HIVEP2: variants seen among roughly 807,000 people sequenced by gnomAD.
The protein encoded by HIVEP2 is HIVEP zinc finger 2.
A neutral mutation model predicts 180.7 loss-of-function variants in HIVEP2; 14 were observed. The ratio of observed to expected loss-of-function variants is 0.08; its 90% confidence interval spans 0.05 to 0.12. The LOEUF is 0.12. Ranked by LOEUF, HIVEP2 falls within the 10% of genes least tolerant of loss-of-function variation. HIVEP2 has a pLI of 1.00. For synonymous variants in HIVEP2, 1,184 were observed against 1,136.4 expected (o/e 1.04, Z -0.84); for missense variants, 2,579 against 3,008.5 (o/e 0.86, Z 3.34).
At position 142,774,324 on chromosome 6, in the gene HIVEP2, A is replaced by G. The variant is rs762631868; in HGVS notation, c.415T>C (p.Phe139Leu). The change falls in exon 5 of 10, where the codon TTT (phenylalanine) becomes CTT (leucine). Residue 139 changes from phenylalanine (F) to leucine (L), a missense_variant. Physicochemically the swap from Phe to Leu is conservative, Grantham distance 22 (BLOSUM62 0). Around this residue, in one of 11 missense-constraint regions of HIVEP2, gnomAD observed 207 missense variants for 210.1 expected, o/e 0.99. Coordinates refer to ENST00000367603, the MANE Select transcript of HIVEP2 (RefSeq NM_006734.4). The surrounding 1 kb of genome is among the most constrained non-coding windows in gnomAD (Gnocchi z 5.1). ...PLPSVASEDLFPFPIHGHSGG... is the reference protein window; with the variant it reads ...PLPSVASEDLLPFPIHGHSGG... Reference sequence around the variant, plus strand: ...CTGTGGCCATGTATAGGAAAAGGAAATAAGTCCTCAGAGGCAACGGATGGC... The same window carrying G: ...CTGTGGCCATGTATAGGAAAAGGAAGTAAGTCCTCAGAGGCAACGGATGGC... The G allele has an allele frequency of 6.2e-7, 1 of 1,614,246 alleles. No individual in the cohort carries two copies. Among genetic ancestry groups the G allele is most frequent in the Admixed American group, 1.7e-5 (1 of 60,026 alleles).
chr6:142,907,173 C>G (rs899257561), intron 1 of HIVEP2, among the ~76,000 whole-genome samples: 1 of 152,234 alleles, frequency 6.6e-6, no homozygotes, highest in Non-Finnish European at 1.5e-5. Context: ...AGTTTACTAT[C>G]TAGCATATGA....
intron 1 of HIVEP2, among the ~76,000 whole-genome samples, chr6:142,884,791 G>A (rs115448233): frequency 0.011 from 1,730 of 152,230 alleles, 35 homozygotes; most frequent in African/African-American, 0.039. Context: ...ATCCAGTTCA[G>A]GAACCTTATT....
At chr6:142,879,623 C>T (rs1776532309) in intron 1 of HIVEP2, among the ~76,000 whole-genome samples, 1 of 152,068 alleles carries the variant, frequency 6.6e-6, no homozygotes, top group Non-Finnish European at 1.5e-5. Context: ...GCTGGAGTGG[C>T]TCTTTGCTCT....
At chr6:142,925,945 C>CA (rs1252682372) in intron 1 of HIVEP2, among the ~76,000 whole-genome samples, 3 of 152,294 alleles carry the variant, frequency 2.0e-5, no homozygotes, top group Admixed American at 6.5e-5. Flanking sequence ...TCTACCATTA[C>CA]AAAGCCTATT....
At chr6:142,920,940 GCCACTGCAAT>G (rs1777669166) in intron 1 of HIVEP2, among the ~76,000 whole-genome samples, 1 of 152,112 alleles carries the variant, frequency 6.6e-6, no homozygotes, top group South Asian at 2.1e-4. Context: ...CTATTATCAT[GCCACTGCAAT>G]CCACAGTGAG....
chr6:142,883,610 C>G (rs190814195), intron 1 of HIVEP2, among the ~76,000 whole-genome samples: 1 of 152,068 alleles, frequency 6.6e-6, no homozygotes, highest in Non-Finnish European at 1.5e-5. Context: ...TCCCTTACAA[C>G]GTAGGGCAAA....
intron 1 of HIVEP2, among the ~76,000 whole-genome samples, chr6:142,858,297 C>G (rs1014972778): frequency 6.6e-6 from 1 of 152,078 alleles, no homozygotes; most frequent in Non-Finnish European, 1.5e-5. Context: ...TCACTTCACT[C>G]TGGCCCCTCT....
intron 1 of HIVEP2, among the ~76,000 whole-genome samples, chr6:142,911,793 G>GTATGTGTGCATGA (rs897072024): frequency 6.6e-6 from 1 of 152,180 alleles, no homozygotes; most frequent in Non-Finnish European, 1.5e-5. Flanking sequence ...TCTGTGATGC[G>GTATGTGTGCATGA]TATGTGTGCA....
At chr6:142,894,242 T>C (rs1398146724) in intron 1 of HIVEP2, among the ~76,000 whole-genome samples, 1 of 152,246 alleles carries the variant, frequency 6.6e-6, no homozygotes, top group Non-Finnish European at 1.5e-5. Context: ...CAATCTATAA[T>C]ATATCAAGGG....
intron 1 of HIVEP2, among the ~76,000 whole-genome samples, chr6:142,843,879 G>T (rs1775436526): frequency 6.6e-6 from 1 of 152,102 alleles, no homozygotes; most frequent in Non-Finnish European, 1.5e-5. Flanking sequence ...GTATGCCTTT[G>T]GTTAACATAT....
chr6:142,830,648 G>A (rs1187560727), intron 2 of HIVEP2, among the ~76,000 whole-genome samples: 5 of 152,048 alleles, frequency 3.3e-5, no homozygotes, highest in Admixed American at 1.3e-4. Flanking sequence ...CATGAAAAAC[G>A]AAAAGTAAAG....
In HIVEP2 at chr6:142,774,509, T is replaced by G. The variant is rs1775643278; in HGVS notation, c.230A>C (p.Gln77Pro). 5.0e-6 allele frequency: 8 copies of G among 1,614,102 alleles called. No homozygotes were observed. In the African/African-American group the frequency reaches 8.0e-5, roughly 16 times the overall value. Residue 77 changes from glutamine to proline, a missense_variant, in exon 5 of 10, where the codon CAG becomes CCG. By Grantham distance (76) the Gln-to-Pro change is moderately conservative. This residue lies in a region of HIVEP2 where 207 missense variants were observed against 210.1 expected (regional missense o/e 0.99). Coordinates refer to ENST00000367603, the MANE Select transcript of HIVEP2 (RefSeq NM_006734.4). This position sits in a 1 kb window ranked among gnomAD's most constrained non-coding sequence, Gnocchi z 5.1. ...TGGATATTGCTTCTCTGCGACTTGC[T>G]GCACCACTTCACTAGGGGAGGCCAG... ...GKLASPSEVV[Q>P]QVAEKQYPPH...
chr6:142,793,673 T>TTCTTTCTTTC (rs1289211652), intron 2 of HIVEP2, among the ~76,000 whole-genome samples: 25 of 107,502 alleles, frequency 2.3e-4, no homozygotes, highest in African/African-American at 7.7e-4. Flanking sequence ...CTTTCTTTCT[T>TTCTTTCTTTC]TCTCTCTCTC....
chr6:142,901,815 C>T (rs78012290), intron 1 of HIVEP2, among the ~76,000 whole-genome samples: 168 of 152,216 alleles, frequency 1.1e-3, no homozygotes, highest in African/African-American at 3.9e-3. Flanking sequence ...AAATGACCTT[C>T]GTCTTAACCA....
At position 142,767,788 on chromosome 6, in the gene HIVEP2, T is replaced by G. The variant is rs73780160; in HGVS notation, c.5342+594A>C. 3.9e-3 allele frequency among the ~76,000 whole-genome samples: 596 copies of G among 152,320 alleles called. 7 individuals are homozygous for G. Among genetic ancestry groups the G allele is most frequent in the African/African-American group, 0.014 (565 of 41,566 alleles). ...GTTTCTATGACTCAGGACTCAAGAT[T>G]TGAAAAGAAATTCCTAAATACAGAG... On this transcript the variant is annotated intron_variant, in intron 6 of 9. Coordinates refer to ENST00000367603, the MANE Select transcript of HIVEP2 (RefSeq NM_006734.4).
rs550588272 is a variant in HIVEP2, at chr6:142,900,101, G to C, written c.-641+44998C>G. 9.2e-5 allele frequency among the ~76,000 whole-genome samples: 14 copies of C among 152,300 alleles called. No homozygotes were observed. The East Asian group carries it at 2.7e-3, about 29-fold the overall frequency. On this transcript the variant is annotated intron_variant, in intron 1 of 9. Transcript: ENST00000367603. ...CTTAATAGAGATGATTCTCAGGATAGAGCAGAATATTCCATGTATCTCCTG... is the reference window on the plus strand; with the variant it reads ...CTTAATAGAGATGATTCTCAGGATACAGCAGAATATTCCATGTATCTCCTG...
chr6:142,809,454 A>G (rs1210102320), intron 2 of HIVEP2, among the ~76,000 whole-genome samples: 1 of 152,192 alleles, frequency 6.6e-6, no homozygotes, highest in African/African-American at 2.4e-5. Flanking sequence ...TCAGAGCAGA[A>G]GAGTTGGCTT....
intron 1 of HIVEP2, among the ~76,000 whole-genome samples, chr6:142,838,675 G>GA (rs1775284361): frequency 6.6e-6 from 1 of 152,206 alleles, no homozygotes; most frequent in African/African-American, 2.4e-5. Flanking sequence ...CACTTTCCAA[G>GA]AAAGAGGTAG....
At position 142,775,089 on chromosome 6, in the gene HIVEP2, C is replaced by A; in HGVS notation, c.-351G>T. On this transcript the variant is annotated 5_prime_UTR_variant, in exon 5 of 10. Coordinates refer to ENST00000367603, the MANE Select transcript of HIVEP2 (RefSeq NM_006734.4). Reference sequence around the variant, plus strand: ...GAGAAATTTTGCCCATCAACTAGAGCAAAGTTCAATTGCCAGTTTCACTAA... The same window carrying A: ...GAGAAATTTTGCCCATCAACTAGAGAAAAGTTCAATTGCCAGTTTCACTAA... 9.8e-7 allele frequency: 1 copy of A among 1,015,834 alleles called. No individual in the cohort carries two copies. The highest frequency in any genetic ancestry group is 1.2e-6 in the Non-Finnish European group (1 of 850,888). The allele number at this position is 1,015,834 out of a possible 1,614,324, so 62.9% of individuals were successfully genotyped here.
Sources: allele counts gnomAD v4.1 joint callset (sites outside exome capture counted in the v4.1 genomes callset), GRCh38; gene constraint gnomAD v4.1.1; regional missense constraint gnomAD v4.1.1; non-coding constraint Gnocchi (gnomAD v3.1); transcripts MANE v1.5; gene names NCBI Gene and HGNC (gene_info 2026-07-23, HGNC 2026-07-21).